ADAMTSL1: variants seen among roughly 807,000 people sequenced by gnomAD.
The protein encoded by ADAMTSL1 is ADAMTS like 1.
Under a neutral mutation model 201.8 loss-of-function variants are expected in ADAMTSL1, and 126 were observed. The observed-to-expected ratio is 0.62, with a 90% CI of 0.54 to 0.72. The LOEUF (loss-of-function observed/expected upper bound fraction) is 0.72. ADAMTSL1 is among the 30% of genes least tolerant of loss of function. The pLI is 0.00. For missense variants in ADAMTSL1, 2,679 were observed against 2,277.8 expected, an observed-to-expected ratio of 1.18 and a Z score of -3.59; for synonymous variants, 1,121 against 903.4, an observed-to-expected ratio of 1.24 and a Z score of -4.32.
intron 2 of ADAMTSL1, among the ~76,000 whole-genome samples, chr9:18,191,364 C>G (rs1828961814): frequency 6.6e-6 from 1 of 152,172 alleles, no homozygotes; most frequent in African/African-American, 2.4e-5. Context: ...GGAGGACAGG[C>G]CCTGCATTGA....
intron 2 of ADAMTSL1, among the ~76,000 whole-genome samples, chr9:18,418,194 CTAACTGATAAAGAG>C (rs1446770149): frequency 2.6e-5 from 4 of 152,176 alleles, no homozygotes; most frequent in African/African-American, 9.6e-5. Context: ...GGAGTTTCTT[CTAACTGATAAAGAG>C]TATCTGCTAA....
chr9:17,985,784 T>G (rs1818904553), intron 1 of ADAMTSL1, among the ~76,000 whole-genome samples: 1 of 152,160 alleles, frequency 6.6e-6, no homozygotes, highest in African/African-American at 2.4e-5. Flanking sequence ...GGTTCTGATG[T>G]ATATTTGATG....
intron 2 of ADAMTSL1, among the ~76,000 whole-genome samples, chr9:18,193,491 T>G (rs540902487): frequency 1.3e-5 from 2 of 152,194 alleles, no homozygotes; most frequent in Admixed American, 6.5e-5. Context: ...CTCTTCTGGC[T>G]CTCTCTCTCT....
At chr9:18,725,798 T>C (rs1587992518) in intron 15 of ADAMTSL1, among the ~76,000 whole-genome samples, 1 of 152,376 alleles carries the variant, frequency 6.6e-6, no homozygotes. Context: ...CACTTCCAGA[T>C]AGTTTTCTAT....
chr9:18,796,600 C>G (rs1822437463), intron 20 of ADAMTSL1: 1 of 152,252 alleles, frequency 6.6e-6, no homozygotes, highest in African/African-American at 2.4e-5. Flanking sequence ...ATTCCTGCCC[C>G]CATGACTTCA....
At chr9:18,860,344 G>C (rs566664621) in intron 23 of ADAMTSL1, among the ~76,000 whole-genome samples, 37 of 152,294 alleles carry the variant, frequency 2.4e-4, no homozygotes, top group African/African-American at 8.2e-4. Context: ...CTGAAGGCAA[G>C]TCTAGACCAC....
chr9:18,121,236 A>G (rs1261751845), intron 1 of ADAMTSL1, among the ~76,000 whole-genome samples: 2 of 152,216 alleles, frequency 1.3e-5, no homozygotes, highest in African/African-American at 4.8e-5. Flanking sequence ...ACAGTTGTAC[A>G]TAAAGAGAAA....
chr9:18,172,957 T>A (rs543854801), intron 2 of ADAMTSL1, among the ~76,000 whole-genome samples: 36 of 152,214 alleles, frequency 2.4e-4, no homozygotes, highest in African/African-American at 8.7e-4. Context: ...TGCTTCAACT[T>A]TGGGATGTTC....
chr9:18,354,997 C>A (rs561338449), intron 2 of ADAMTSL1, among the ~76,000 whole-genome samples: 3 of 152,028 alleles, frequency 2.0e-5, no homozygotes, highest in Non-Finnish European at 4.4e-5. Context: ...AACAAACAAA[C>A]AAACAGACTA....
chr9:18,910,599 G>C lies in ADAMTSL1; in HGVS notation c.*2051G>C, dbSNP rs1830545783. The C allele has an allele frequency of 1.3e-5, 2 of 152,228 alleles. No individual in the cohort carries two copies. Among genetic ancestry groups the C allele is most frequent in the Admixed American group, 1.3e-4 (2 of 15,286 alleles). The allele number at this position is 152,228 out of a possible 1,614,324, so 9.4% of individuals were successfully genotyped here. A position where few individuals can be genotyped will look rare whatever the true frequency, so the allele number is the denominator to read the frequency against. The stretch of plus-strand genomic sequence containing the variant: ...AGTTATGCATGGAATGATAAAGACA[G>C]ACAAATTCCATACTACTACTAATGT... On this transcript the variant is annotated 3_prime_UTR_variant, in exon 29 of 29. Coordinates refer to ENST00000380548, the MANE Select transcript of ADAMTSL1 (RefSeq NM_001040272.6).
intron 1 of ADAMTSL1, among the ~76,000 whole-genome samples, chr9:18,109,127 T>C (rs1377724702): frequency 6.6e-6 from 1 of 152,202 alleles, no homozygotes; most frequent in Admixed American, 6.5e-5. Flanking sequence ...GTGAATACAA[T>C]TTTATTGACA....
At chr9:18,678,815 G>C (rs1270794691) in intron 10 of ADAMTSL1, among the ~76,000 whole-genome samples, 3 of 152,058 alleles carry the variant, frequency 2.0e-5, no homozygotes, top group Non-Finnish European at 4.4e-5. Flanking sequence ...TCTCCAGAAG[G>C]AAGCCCTCCA....
chr9:18,501,371 C>T (rs1026912276), intron 1 of ADAMTSL1, among the ~76,000 whole-genome samples: 2 of 151,760 alleles, frequency 1.3e-5, no homozygotes, highest in Admixed American at 6.6e-5. Flanking sequence ...ATTAGCCGGG[C>T]GTGCCGACAA....
At chr9:17,931,615 T>TG (rs1563903155) in intron 1 of ADAMTSL1, among the ~76,000 whole-genome samples, 1 of 152,182 alleles carries the variant, frequency 6.6e-6, no homozygotes, top group African/African-American at 2.4e-5. Flanking sequence ...GTCTTTTTTT[T>TG]CCTTTTGCAT....
intron 4 of ADAMTSL1, among the ~76,000 whole-genome samples, chr9:18,580,071 A>G (rs573066152): frequency 2.0e-5 from 3 of 152,334 alleles, no homozygotes; most frequent in East Asian, 1.9e-4. Context: ...ATGATTATAA[A>G]CAAGCCTTTT....
chr9:18,810,674 T>C (rs543971393), intron 20 of ADAMTSL1, among the ~76,000 whole-genome samples: 2 of 152,208 alleles, frequency 1.3e-5, no homozygotes, highest in Admixed American at 6.5e-5. Context: ...AGGTGTTCAA[T>C]GAATGAGTCT....
chr9:18,865,287 G>A (rs1827458390), intron 23 of ADAMTSL1, among the ~76,000 whole-genome samples: 1 of 151,930 alleles, frequency 6.6e-6, no homozygotes, highest in South Asian at 2.1e-4. Context: ...GAAAACATGT[G>A]GTGTTTGGTT....
intron 1 of ADAMTSL1, among the ~76,000 whole-genome samples, chr9:18,152,270 G>T (rs1382320744): frequency 6.6e-6 from 1 of 152,010 alleles, no homozygotes; most frequent in Non-Finnish European, 1.5e-5. Flanking sequence ...CTTGGAGGAT[G>T]CGTAGAAACA....
intron 23 of ADAMTSL1, among the ~76,000 whole-genome samples, chr9:18,880,748 A>G (rs1218706229): frequency 2.0e-5 from 3 of 152,164 alleles, no homozygotes; most frequent in South Asian, 4.1e-4. Flanking sequence ...ATTATCCCCT[A>G]ACAAGAGAGT....
Sources: gnomAD v4.1 joint callset for allele counts (sites outside exome capture counted in the v4.1 genomes callset) on GRCh38, gnomAD v4.1.1 for gene constraint, MANE v1.5 for transcripts, NCBI Gene and HGNC (gene_info 2026-07-23, HGNC 2026-07-21) for gene names.